The following DENND2C variants were observed in gnomAD, a reference collection of about 807,000 sequenced individuals.
DENND2C encodes the protein DENN domain-containing protein 2C.
In DENND2C, 72 loss-of-function variants were observed where a neutral mutation model predicts 112.4. The observed-to-expected ratio is 0.64, with a 90% CI of 0.53 to 0.78. DENND2C has a LOEUF of 0.78. DENND2C is among the 30% of genes least tolerant of loss of function. DENND2C has a pLI of 0.00. For missense variants in DENND2C, 992 were observed against 1,113.8 expected (o/e 0.89, Z 1.56); for synonymous variants, 329 against 381.6 (o/e 0.86, Z 1.61).
intron 1 of DENND2C, among the ~76,000 whole-genome samples, chr1:114,662,160 A>AGATCC: frequency 1.3e-5 from 2 of 152,338 alleles, no homozygotes; most frequent in African/African-American, 4.8e-5. Flanking sequence ...AGGCTCTATT[A>AGATCC]TTATAGCCTT....
intron 4 of DENND2C, 54 bp from the exon 5 acceptor site, chr1:114,623,697 T>C (rs1656251998): frequency 1.6e-6 from 2 of 1,256,796 alleles, no homozygotes; most frequent in Admixed American, 3.4e-5. Flanking sequence ...CTAATCTTTA[T>C]TTTTTAAAAT....
chr1:114,622,725 A>C (rs556889772), intron 6 of DENND2C, among the ~76,000 whole-genome samples: 1 of 152,012 alleles, frequency 6.6e-6, no homozygotes, highest in Admixed American at 6.6e-5. Context: ...GGGGAGTGGG[A>C]ACTATAGTAA....
At chr1:114,664,339 A>G (rs1445397945) in intron 1 of DENND2C, among the ~76,000 whole-genome samples, 1 of 152,180 alleles carries the variant, frequency 6.6e-6, no homozygotes, top group African/African-American at 2.4e-5. Flanking sequence ...GAAGCTGGGC[A>G]CAGTGGCTCA....
At chr1:114,643,039 T>C (rs1447487881) in intron 3 of DENND2C, among the ~76,000 whole-genome samples, 1 of 152,208 alleles carries the variant, frequency 6.6e-6, no homozygotes, top group African/African-American at 2.4e-5. Context: ...TGTATGTCTT[T>C]GCCATGACCT....
In DENND2C at chr1:114,587,755, A is replaced by G. The variant is rs990442553; in HGVS notation, c.2629T>C (p.Phe877Leu). The G allele has an allele frequency of 3.1e-6, 5 of 1,614,102 alleles. No homozygotes were observed. Among genetic ancestry groups the G allele is most frequent in the Non-Finnish European group, 4.2e-6 (5 of 1,179,986 alleles). Residue 877 changes from phenylalanine to leucine, a missense_variant, in exon 19 of 21, where the codon TTC becomes CTC. Transcript: ENST00000393274. ...LFMETQMFAG[F>L]IQDRELRKSG... ...TTCCGAAGCTCTCGGTCCTGGATGA[A>G]TCCTGCAAACATCTGAGTTTCCATG...
chr1:114,610,832 A>G (rs1388798092), intron 9 of DENND2C, among the ~76,000 whole-genome samples: 1 of 152,198 alleles, frequency 6.6e-6, no homozygotes, highest in South Asian at 2.1e-4. Flanking sequence ...ATATTCCATC[A>G]TAAGAACCAT....
chr1:114,631,423 C>T (rs911837980), intron 3 of DENND2C, among the ~76,000 whole-genome samples: 1 of 151,856 alleles, frequency 6.6e-6, no homozygotes, highest in African/African-American at 2.4e-5. Flanking sequence ...GTCATCTAAT[C>T]AAAATTACTA....
Position 114,586,684 on chromosome 1 carries a change from CATTTATTTTTTATTTTT to C in DENND2C, c.2755+686_2755+702del, listed in dbSNP as rs918311234. On this transcript the variant is annotated intron_variant, in intron 20 of 20. Coordinates refer to ENST00000393274, the MANE Select transcript of DENND2C (RefSeq NM_001256404.2). Reference sequence around the variant, plus strand: ...ACTTACTGCAAAGCTTTTTCAGCCACATTTATTTTTTATTTTTATTTATTTTTTATTTATTTTTATTT... The same window carrying C: ...ACTTACTGCAAAGCTTTTTCAGCCACATTTATTTTTTATTTATTTTTATTT... 144 of 149,670 alleles carry C rather than the reference CATTTATTTTTTATTTTT, an allele frequency of 9.6e-4. 1 individual carries two copies. Among genetic ancestry groups the C allele is most frequent in the African/African-American group, 2.8e-3 (114 of 41,010 alleles). 9.3% of individuals were successfully genotyped at this position (149,670 alleles called of 1,614,324 possible).
At chr1:114,661,144 T>C (rs1657481324) in intron 1 of DENND2C, among the ~76,000 whole-genome samples, 1 of 151,734 alleles carries the variant, frequency 6.6e-6, no homozygotes, top group Admixed American at 6.6e-5. Context: ...AAATCCTCCT[T>C]ATTATCTTCA....
intron 8 of DENND2C, among the ~76,000 whole-genome samples, chr1:114,616,852 T>C (rs952942133): frequency 6.6e-6 from 1 of 151,348 alleles, no homozygotes; most frequent in Non-Finnish European, 1.5e-5. Context: ...CAAAACTCCA[T>C]CTCAAAAAAA....
chr1:114,667,891 T>C (rs1020068867), intron 1 of DENND2C, among the ~76,000 whole-genome samples: 6 of 152,182 alleles, frequency 3.9e-5, no homozygotes, highest in Non-Finnish European at 7.4e-5. Context: ...ACATCCCTCA[T>C]GGTGCTGTTG....
intron 2 of DENND2C, among the ~76,000 whole-genome samples, chr1:114,654,258 C>A (rs544746839): frequency 6.6e-6 from 1 of 152,176 alleles, no homozygotes; most frequent in East Asian, 1.9e-4. Context: ...TGGTGAAACC[C>A]TGTCTCTACT....
intron 1 of DENND2C, among the ~76,000 whole-genome samples, chr1:114,656,693 GC>G (rs567600121): frequency 6.6e-6 from 1 of 152,078 alleles, no homozygotes; most frequent in African/African-American, 2.4e-5. Context: ...GCCGCACCCG[GC>G]CTAAACATTC....
intron 10 of DENND2C, among the ~76,000 whole-genome samples, chr1:114,607,467 AT>A (rs1655691799): frequency 1.3e-5 from 2 of 152,216 alleles, no homozygotes; most frequent in African/African-American, 4.8e-5. Flanking sequence ...AAAGGCAGAA[AT>A]ACAGATTTGT....
intron 3 of DENND2C, among the ~76,000 whole-genome samples, chr1:114,641,623 T>A (rs988080856): frequency 6.6e-6 from 1 of 152,162 alleles, no homozygotes; most frequent in Admixed American, 6.5e-5. Flanking sequence ...CTTTCCACCA[T>A]GATTGTAACC....
chr1:114,651,569 T>C (rs1414525670), intron 2 of DENND2C, among the ~76,000 whole-genome samples: 1 of 151,882 alleles, frequency 6.6e-6, no homozygotes, highest in Non-Finnish European at 1.5e-5. Flanking sequence ...TGAAACCCCA[T>C]CTCTACTAAA....
chr1:114,638,295 T>C (rs921502185), intron 3 of DENND2C, among the ~76,000 whole-genome samples: 1 of 152,054 alleles, frequency 6.6e-6, no homozygotes, highest in African/African-American at 2.4e-5. Context: ...ATCATAAACC[T>C]AACTACTAAG....
chr1:114,586,065 A>G (rs376766503), intron 20 of DENND2C, among the ~76,000 whole-genome samples: 4 of 152,232 alleles, frequency 2.6e-5, no homozygotes, highest in South Asian at 2.1e-4. Flanking sequence ...CAGCTAGTGA[A>G]GGACAGGGCC....
chr1:114,614,452 G>A (rs1041984137), intron 8 of DENND2C, among the ~76,000 whole-genome samples: 17 of 152,188 alleles, frequency 1.1e-4, no homozygotes, highest in African/African-American at 4.1e-4. Context: ...GGAGGAGTTG[G>A]TCACAGAGGT....
Sources: allele counts gnomAD v4.1 joint callset (sites outside exome capture counted in the v4.1 genomes callset), GRCh38; gene constraint gnomAD v4.1.1; transcripts MANE v1.5; gene names NCBI Gene and HGNC (gene_info 2026-07-23, HGNC 2026-07-21).